The following FAT3 variants were observed in gnomAD, a reference collection of about 807,000 sequenced individuals.
FAT3 encodes protocadherin Fat 3.
FAT3 carries 95 observed loss-of-function variants against 310.2 expected under a neutral mutation model. The observed-to-expected ratio is 0.31, with a 90% CI of 0.26 to 0.36. The LOEUF (loss-of-function observed/expected upper bound fraction) is 0.36. Ranked by LOEUF, FAT3 falls within the 10% of genes least tolerant of loss-of-function variation. FAT3 has a pLI of 1.00. For missense variants in FAT3, 5,408 were observed against 5,715.6 expected (o/e 0.95, Z 1.74); for synonymous variants, 2,314 against 2,192.9 (o/e 1.06, Z -1.54).
At chr11:92,737,622 T>C (rs866167761) in intron 4 of FAT3, among the ~76,000 whole-genome samples, 1 of 152,048 alleles carries the variant, frequency 6.6e-6, no homozygotes, top group Non-Finnish European at 1.5e-5. Flanking sequence ...ATTGATGACA[T>C]AGTCATTAGA....
At chr11:92,228,992 A>T (rs1445676524) in intron 1 of FAT3, among the ~76,000 whole-genome samples, 1 of 152,136 alleles carries the variant, frequency 6.6e-6, no homozygotes, top group Non-Finnish European at 1.5e-5. Context: ...ACTATTGATG[A>T]ACCACTTCTT....
At chr11:92,836,749 T>C in intron 16 of FAT3, 46 bp downstream of exon 16, 2 of 1,589,278 alleles carry the variant, frequency 1.3e-6, no homozygotes, top group Non-Finnish European at 1.7e-6. Flanking sequence ...ATCCACCACT[T>C]TCCTAGAATC....
intron 3 of FAT3, among the ~76,000 whole-genome samples, chr11:92,550,234 CT>C (rs1185028621): frequency 1.3e-5 from 2 of 152,080 alleles, no homozygotes; most frequent in African/African-American, 2.4e-5. Context: ...CAAAAGGGGT[CT>C]TTTTTTCACA....
intron 1 of FAT3, among the ~76,000 whole-genome samples, chr11:92,281,913 CTT>C (rs991589932): frequency 6.7e-6 from 1 of 149,832 alleles, no homozygotes; most frequent in Admixed American, 6.7e-5. Context: ...ATTATCCCTT[CTT>C]TTTTTTTTGA....
intron 3 of FAT3, among the ~76,000 whole-genome samples, chr11:92,548,924 G>A (rs12421613): frequency 0.15 from 22,859 of 151,976 alleles, 1,902 homozygotes; most frequent in East Asian, 0.29. Flanking sequence ...AGTTTTTATT[G>A]GCCAACAGTG....
At position 92,420,444 on chromosome 11, in the gene FAT3, G is replaced by C. The variant is rs377119265; in HGVS notation, c.3292+65040G>C. On this transcript the variant is annotated intron_variant, in intron 2 of 27. Transcript: ENST00000525166. ...TAGCTATGCTCAGTCTTAGTTCAGG[G>C]GGACATTCTATAACCCCTCTTCTTG... Among the ~76,000 whole-genome samples, 58 of 152,184 alleles carry C rather than the reference G, an allele frequency of 3.8e-4. 1 individual carries two copies. The South Asian group carries it at 9.8e-3, about 26-fold the overall frequency.
At position 92,354,878 on chromosome 11, in the gene FAT3, T is replaced by TA; in HGVS notation, c.2769dup (p.Val924SerfsTer5). ...AGCAGCTGTTTTCAGTTGTCACTCT[T>TA]AAAGTTTTTTTAGATGATGTCAATG... is the stretch of plus-strand genomic sequence containing the variant. On this transcript the variant is annotated frameshift_variant, in exon 2 of 28. Coordinates refer to ENST00000525166, the MANE Select transcript of FAT3 (RefSeq NM_001367949.2). LOFTEE classifies it high-confidence loss of function. The TA allele has an allele frequency of 6.2e-7, 1 of 1,613,834 alleles. No individual in the cohort carries two copies. Among genetic ancestry groups the TA allele is most frequent in the Non-Finnish European group, 8.5e-7 (1 of 1,179,846 alleles).
chr11:92,847,847 G>T (rs1468031510), intron 19 of FAT3, among the ~76,000 whole-genome samples: 2 of 152,040 alleles, frequency 1.3e-5, no homozygotes, highest in South Asian at 2.1e-4. Context: ...GTAAGCGTTA[G>T]GCATTTTTAG....
At chr11:92,527,824 GATAGATAGATAC>G (rs1042902782) in intron 3 of FAT3, among the ~76,000 whole-genome samples, 12 of 151,978 alleles carry the variant, frequency 7.9e-5, no homozygotes, top group African/African-American at 1.9e-4. Flanking sequence ...TGTGTAGATA[GATAGATAGATAC>G]ATAGATAGAT....
intron 2 of FAT3, among the ~76,000 whole-genome samples, chr11:92,513,359 A>G (rs1031105354): frequency 6.6e-6 from 1 of 152,198 alleles, no homozygotes; most frequent in Non-Finnish European, 1.5e-5. Context: ...TAAGAATCTT[A>G]TACAGGTCCA....
chr11:92,550,661 C>T (rs1954780193), intron 3 of FAT3, among the ~76,000 whole-genome samples: 1 of 152,074 alleles, frequency 6.6e-6, no homozygotes, highest in Non-Finnish European at 1.5e-5. Context: ...AGTCCTCATA[C>T]TTGGCAGCAG....
chr11:92,583,827 G>A (rs1938974369), intron 3 of FAT3, among the ~76,000 whole-genome samples: 1 of 151,998 alleles, frequency 6.6e-6, no homozygotes, highest in Admixed American at 6.6e-5. Context: ...AGGGATGAGG[G>A]TAGCTGACTC....
At chr11:92,705,592 ATGTGGTGGTGTGATG>A (rs1565527164) in intron 4 of FAT3, among the ~76,000 whole-genome samples, 1 of 2,656 alleles carries the variant, frequency 3.8e-4, no homozygotes, top group African/African-American at 2.1e-3. Flanking sequence ...TGGTGGTGTG[ATGTGGTGGTGTGATG>A]TGGTGGTGGT....
chr11:92,331,357 A>G (rs1157657088), intron 1 of FAT3, among the ~76,000 whole-genome samples: 1 of 152,104 alleles, frequency 6.6e-6, no homozygotes, highest in Non-Finnish European at 1.5e-5. Context: ...TTCTGATCTG[A>G]ATAAATATTT....
At chr11:92,601,165 A>G (rs181364462) in intron 3 of FAT3, among the ~76,000 whole-genome samples, 23 of 151,906 alleles carry the variant, frequency 1.5e-4, no homozygotes, top group Admixed American at 1.4e-3. Context: ...TTTTTAAAAG[A>G]TTATCTAGCT....
intron 3 of FAT3, among the ~76,000 whole-genome samples, chr11:92,665,923 T>G (rs892372093): frequency 2.6e-5 from 4 of 152,182 alleles, no homozygotes; most frequent in African/African-American, 9.7e-5. Flanking sequence ...GTAATCTCAG[T>G]GCTTTGGGAG....
At chr11:92,854,854 A>G (rs926256269) in intron 19 of FAT3, among the ~76,000 whole-genome samples, 2 of 152,334 alleles carry the variant, frequency 1.3e-5, no homozygotes, top group South Asian at 2.1e-4. Context: ...GTATCTCAGA[A>G]ACACAGAAGC....
Position 92,583,703 on chromosome 11 carries a change from C to A in FAT3, c.3607+58755C>A, listed in dbSNP as rs192644594. 3.3e-5 allele frequency among the ~76,000 whole-genome samples: 5 copies of A among 151,966 alleles called. No homozygotes were observed. In the East Asian group the frequency reaches 7.8e-4, roughly 24 times the overall value. Reference sequence around the variant, plus strand: ...TTATACCCTTCAACCGCAGGACACACCCCCATTGTCACTATAGTTGATGTT... The same window carrying A: ...TTATACCCTTCAACCGCAGGACACAACCCCATTGTCACTATAGTTGATGTT... On this transcript the variant is annotated intron_variant, in intron 3 of 27. Transcript: ENST00000525166.
intron 3 of FAT3, among the ~76,000 whole-genome samples, chr11:92,553,994 C>T (rs1231884712): frequency 4.6e-5 from 7 of 151,682 alleles, no homozygotes; most frequent in Middle Eastern, 3.2e-3. Context: ...TTAGTAGAGA[C>T]GGGATTTCAC....
Sources: allele counts gnomAD v4.1 joint callset (sites outside exome capture counted in the v4.1 genomes callset), GRCh38; gene constraint gnomAD v4.1.1; transcripts MANE v1.5; gene names NCBI Gene and HGNC (gene_info 2026-07-23, HGNC 2026-07-21).